Variants in CLEC2D observed in about 807,000 individuals in gnomAD.
The protein encoded by CLEC2D is C-type lectin domain family 2 member D.
In CLEC2D, 16 loss-of-function variants were observed where a neutral mutation model predicts 20.0. The ratio of observed to expected loss-of-function variants is 0.80; its 90% CI spans 0.54 to 1.22. CLEC2D has a LOEUF of 1.22. CLEC2D is among the 50% of genes most tolerant of loss of function. CLEC2D has a pLI of 0.00. For missense variants in CLEC2D, 207 were observed against 221.5 expected, an observed-to-expected ratio of 0.93 and a Z score of 0.42; for synonymous variants, 77 against 71.1, an observed-to-expected ratio of 1.08 and a Z score of -0.42.
intron 3 of CLEC2D, among the ~76,000 whole-genome samples, chr12:9,691,852 G>A (rs1334131425): frequency 6.6e-6 from 1 of 152,056 alleles, no homozygotes; most frequent in Admixed American, 6.6e-5. Context: ...ACTAAAAAAA[G>A]TAAAACAAAA....
chr12:9,696,033 A>C lies in CLEC2D; in HGVS notation c.*1159A>C, dbSNP rs879001761. ...GATCAAAAGGACAAGAATCCTTCAA[A>C]AAACAGGAAAAATCTCCTAAAACAC... On this transcript the variant is annotated 3_prime_UTR_variant, in exon 5 of 5. Coordinates refer to ENST00000290855, the MANE Select transcript of CLEC2D (RefSeq NM_013269.6). 5 of 1,361,696 alleles carry C rather than the reference A, an allele frequency of 3.7e-6. No individual in the cohort carries two copies. In the South Asian group the frequency reaches 5.8e-5, roughly 16 times the overall value. 84.4% of individuals were successfully genotyped at this position (1,361,696 alleles called of 1,614,324 possible).
At chr12:9,677,173 A>G (rs753472007) in intron 1 of CLEC2D, among the ~76,000 whole-genome samples, 4 of 151,346 alleles carry the variant, frequency 2.6e-5, no homozygotes, top group Non-Finnish European at 5.9e-5. Context: ...TTGCTCTTCT[A>G]TTTCTAGTTT....
chr12:9,678,969 A>G (rs1865578377), intron 1 of CLEC2D, among the ~76,000 whole-genome samples: 1 of 152,182 alleles, frequency 6.6e-6, no homozygotes, highest in African/African-American at 2.4e-5. Flanking sequence ...AGTGTTTGCA[A>G]TATACACTCA....
intron 1 of CLEC2D, among the ~76,000 whole-genome samples, chr12:9,674,897 T>C (rs1014593945): frequency 6.6e-6 from 1 of 152,222 alleles, no homozygotes; most frequent in Admixed American, 6.5e-5. Flanking sequence ...CCCAAAGTTA[T>C]CTAGGCTTTC....
Position 9,695,198 on chromosome 12 carries a change from T to C in CLEC2D, c.*324T>C, listed in dbSNP as rs1041997866. 6.7e-6 allele frequency: 4 copies of C among 596,440 alleles called. No homozygotes were observed. The highest frequency in any genetic ancestry group is 4.5e-4 in the Middle Eastern group (1 of 2,222). The allele number at this position is 596,440 out of a possible 1,614,324, so 36.9% of individuals were successfully genotyped here. On this transcript the variant is annotated 3_prime_UTR_variant, in exon 5 of 5. Transcript: ENST00000290855. ...AAGGCAAATGGGAAGCAAAGTCATG[T>C]CTTATGTGGTGGCAGGCAGGGGGAC...
intron 2 of CLEC2D, among the ~76,000 whole-genome samples, chr12:9,682,978 TC>T (rs1379624610): frequency 2.0e-5 from 3 of 152,218 alleles, no homozygotes; most frequent in Admixed American, 1.3e-4. Context: ...GTAAAAGTGT[TC>T]CTATTTCTCT....
chr12:9,675,877 T>A (rs1244559634), intron 1 of CLEC2D, among the ~76,000 whole-genome samples: 1 of 152,204 alleles, frequency 6.6e-6, no homozygotes, highest in African/African-American at 2.4e-5. Context: ...TATACCTAAG[T>A]ATTTTATTTT....
intron 1 of CLEC2D, among the ~76,000 whole-genome samples, chr12:9,673,658 GTC>G (rs1865466223): frequency 1.3e-5 from 2 of 152,240 alleles, no homozygotes; most frequent in African/African-American, 2.4e-5. Context: ...GAAAAGATAA[GTC>G]TGCTGAACCT....
intron 1 of CLEC2D, among the ~76,000 whole-genome samples, chr12:9,675,183 G>T (rs1591688816): frequency 7.3e-6 from 1 of 137,128 alleles, no homozygotes. Context: ...TAATTTATTT[G>T]TCTATTCCTT....
chr12:9,692,979 G>A lies in CLEC2D; in HGVS notation c.461+48G>A, dbSNP rs1175063355. 3.8e-6 allele frequency: 6 copies of A among 1,595,140 alleles called. No individual in the cohort carries two copies. The African/African-American group carries it at 5.4e-5, about 14-fold the overall frequency. On this transcript the variant is annotated intron_variant, in intron 4 of 4. Transcript: ENST00000290855. ...TAATATTTGTATTTGAATTTACTTT[G>A]CATTAAATCTGAAGTGTTCTCTAGT...
chr12:9,682,275 A>C (rs992341187), intron 2 of CLEC2D, among the ~76,000 whole-genome samples: 4 of 152,130 alleles, frequency 2.6e-5, no homozygotes, highest in African/African-American at 7.2e-5. Context: ...TAACTATTCA[A>C]GTGTGGTATT....
Position 9,696,572 on chromosome 12 carries a change from G to A in CLEC2D, c.*1698G>A. ...GTAAAAAAAAAAAAAAAGGTATGGG[G>A]AAAACTGCCCCCATAAAGCAATTGT... On this transcript the variant is annotated 3_prime_UTR_variant, in exon 5 of 5. Transcript: ENST00000290855. The A allele has an allele frequency of 5.0e-6, 1 of 201,838 alleles. No homozygotes were observed. Among genetic ancestry groups the A allele is most frequent in the Non-Finnish European group, 1.0e-5 (1 of 99,564 alleles). The allele number at this position is 201,838 out of a possible 1,614,324, so 12.5% of individuals were successfully genotyped here.
chr12:9,685,741 G>A (rs1048445083), intron 2 of CLEC2D, among the ~76,000 whole-genome samples: 1 of 152,200 alleles, frequency 6.6e-6, no homozygotes, highest in African/African-American at 2.4e-5. Flanking sequence ...ACTTCAGACT[G>A]CTGTGCTGGC....
At chr12:9,694,678 GT>G in intron 4 of CLEC2D, 81 bp from the exon 5 acceptor site, 1 of 795,362 alleles carries the variant, frequency 1.3e-6, no homozygotes, top group South Asian at 1.4e-5. Flanking sequence ...ATTAATGTTA[GT>G]TTTCTCATTT....
chr12:9,680,134 G>A (rs765709652), intron 1 of CLEC2D: 5 of 189,660 alleles, frequency 2.6e-5, no homozygotes, highest in Non-Finnish European at 5.9e-5. Context: ...TTGTGATAGC[G>A]AGTGAGTTTT....
chr12:9,685,799 G>A (rs1336621052), intron 2 of CLEC2D, among the ~76,000 whole-genome samples: 1 of 152,202 alleles, frequency 6.6e-6, no homozygotes, highest in Non-Finnish European at 1.5e-5. Flanking sequence ...GCTCTGTGGG[G>A]ATTGGACCCA....
intron 3 of CLEC2D, 100 bp downstream of exon 3, chr12:9,688,186 ATTGATTTT>A (rs769776003): frequency 9.3e-7 from 1 of 1,070,254 alleles, no homozygotes; most frequent in Non-Finnish European, 1.2e-6. Context: ...CTGCTTTTAC[ATTGATTTT>A]TTTTTTTTTT....
intron 2 of CLEC2D, among the ~76,000 whole-genome samples, chr12:9,685,457 G>A (rs773192912): frequency 2.6e-5 from 4 of 152,232 alleles, no homozygotes; most frequent in African/African-American, 7.2e-5. Flanking sequence ...TTTCCCCCAG[G>A]TGCTCTGTCC....
chr12:9,678,850 A>C (rs1045857671), intron 1 of CLEC2D, among the ~76,000 whole-genome samples: 1 of 152,080 alleles, frequency 6.6e-6, no homozygotes, highest in African/African-American at 2.4e-5. Flanking sequence ...CATGTCTTCC[A>C]TTTTTTTCCT....
Sources: gnomAD v4.1 joint callset for allele counts (sites outside exome capture counted in the v4.1 genomes callset) on GRCh38, gnomAD v4.1.1 for gene constraint, MANE v1.5 for transcripts, NCBI Gene and HGNC (gene_info 2026-07-23, HGNC 2026-07-21) for gene names.